Variants in XRCC4 observed in about 807,000 individuals in gnomAD.
The protein encoded by XRCC4 is X-ray repair cross complementing 4.
In XRCC4, 28 loss-of-function variants were observed where a neutral mutation model predicts 39.1. That is an observed-to-expected ratio of 0.72 (90% CI 0.53 to 0.98). The LOEUF is 0.98. Among genes scored for constraint, XRCC4 ranks in the 50% least tolerant of loss-of-function variants. The pLI, the probability that XRCC4 is intolerant of heterozygous loss-of-function variation, is 0.00. For synonymous variants in XRCC4, 123 were observed against 126.4 expected, an observed-to-expected ratio of 0.97 and a Z score of 0.18; for missense variants, 350 against 376.4, an observed-to-expected ratio of 0.93 and a Z score of 0.58.
intron 7 of XRCC4, among the ~76,000 whole-genome samples, chr5:83,342,775 T>C (rs1561484187): frequency 1.3e-5 from 2 of 152,170 alleles, no homozygotes; most frequent in Non-Finnish European, 2.9e-5. Flanking sequence ...TAGGCTACTT[T>C]TCCCACTTAT....
intron 7 of XRCC4, among the ~76,000 whole-genome samples, chr5:83,289,477 G>A (rs922264980): frequency 5.9e-5 from 9 of 151,774 alleles, no homozygotes; most frequent in African/African-American, 1.9e-4. Flanking sequence ...ACTCCCTCCT[G>A]TTGTCCTTGC....
intron 7 of XRCC4, among the ~76,000 whole-genome samples, chr5:83,349,843 G>C (rs1406483295): frequency 6.6e-6 from 1 of 152,072 alleles, no homozygotes; most frequent in African/African-American, 2.4e-5. Context: ...CTGAGGTTTA[G>C]GATAGGGATC....
intron 7 of XRCC4, among the ~76,000 whole-genome samples, chr5:83,287,004 T>C (rs959673933): frequency 1.6e-4 from 24 of 152,224 alleles, no homozygotes; most frequent in African/African-American, 5.8e-4. Flanking sequence ...AATAAATTCA[T>C]TGACCATCAG....
intron 3 of XRCC4, among the ~76,000 whole-genome samples, chr5:83,161,606 AC>A (rs1437811321): frequency 6.6e-6 from 1 of 152,210 alleles, no homozygotes; most frequent in Non-Finnish European, 1.5e-5. Context: ...CAAATTAGTT[AC>A]ATTTGGCCAT....
the XRCC4 span, among the ~76,000 whole-genome samples, chr5:83,358,966 G>A: frequency 6.6e-6 from 1 of 152,132 alleles, no homozygotes; most frequent in Non-Finnish European, 1.5e-5. Flanking sequence ...ATCCCACCAG[G>A]ATCTTCCAAG....
chr5:83,351,417 A>G (rs962884427), intron 7 of XRCC4, among the ~76,000 whole-genome samples: 3 of 152,112 alleles, frequency 2.0e-5, no homozygotes, highest in African/African-American at 7.2e-5. Flanking sequence ...CTTACTTTTA[A>G]TTGAGATAGT....
chr5:83,206,401 C>A (rs568182606), intron 6 of XRCC4, among the ~76,000 whole-genome samples: 1 of 152,142 alleles, frequency 6.6e-6, no homozygotes, highest in South Asian at 2.1e-4. Flanking sequence ...TGAGAAGGAG[C>A]AGCCAGGAGG....
At chr5:83,088,884 G>A (rs534881612) in intron 1 of XRCC4, among the ~76,000 whole-genome samples, 2 of 152,242 alleles carry the variant, frequency 1.3e-5, no homozygotes, top group South Asian at 4.1e-4. Context: ...GAACATGTTT[G>A]ATTTAGTGCT....
At chr5:83,238,602 A>G (rs556118467) in intron 6 of XRCC4, among the ~76,000 whole-genome samples, 6 of 152,250 alleles carry the variant, frequency 3.9e-5, no homozygotes, top group Non-Finnish European at 8.8e-5. Flanking sequence ...ATATATAGTA[A>G]TAAACACTAA....
intron 1 of XRCC4, among the ~76,000 whole-genome samples, chr5:83,092,811 A>C (rs1745488868): frequency 6.6e-6 from 1 of 152,118 alleles, no homozygotes; most frequent in African/African-American, 2.4e-5. Context: ...GATTCAAGAC[A>C]TACCACACAG....
At chr5:83,168,558 C>G (rs1395308786) in intron 3 of XRCC4, among the ~76,000 whole-genome samples, 2 of 152,050 alleles carry the variant, frequency 1.3e-5, no homozygotes, top group Admixed American at 6.6e-5. Context: ...TCTCTTCTAG[C>G]AATTAGAGAA....
intron 7 of XRCC4, among the ~76,000 whole-genome samples, chr5:83,348,245 G>T (rs7736592): frequency 6.6e-6 from 1 of 152,150 alleles, no homozygotes; most frequent in South Asian, 2.1e-4. Context: ...CCCTTTGAGG[G>T]CTCCAACCAC....
intron 6 of XRCC4, among the ~76,000 whole-genome samples, chr5:83,213,012 A>G (rs180980542): frequency 5.9e-4 from 89 of 151,810 alleles, no homozygotes; most frequent in African/African-American, 2.0e-3. Context: ...TGAAATCCAT[A>G]GAGGGAGACA....
intron 1 of XRCC4, among the ~76,000 whole-genome samples, chr5:83,091,950 A>G (rs1174303163): frequency 6.6e-6 from 1 of 152,150 alleles, no homozygotes; most frequent in African/African-American, 2.4e-5. Flanking sequence ...TGTTTCCCGT[A>G]ATGGTTATGC....
At chr5:83,135,257 G>C (rs1747836672) in intron 3 of XRCC4, among the ~76,000 whole-genome samples, 1 of 152,086 alleles carries the variant, frequency 6.6e-6, no homozygotes, top group African/African-American at 2.4e-5. Context: ...AGATGTACCT[G>C]GTACCTCCAT....
At chr5:83,096,306 G>A (rs1745674753) in intron 1 of XRCC4, among the ~76,000 whole-genome samples, 1 of 152,010 alleles carries the variant, frequency 6.6e-6, no homozygotes, top group African/African-American at 2.4e-5. Flanking sequence ...TGATAAGCGG[G>A]AACCACAGAT....
chr5:83,078,453 T>C (rs995962697), intron 1 of XRCC4, among the ~76,000 whole-genome samples: 2 of 152,242 alleles, frequency 1.3e-5, no homozygotes, highest in African/African-American at 4.8e-5. Context: ...TTCAATTTTT[T>C]ATGGACTTAG....
chr5:83,104,781 T>C, intron 1 of XRCC4, 129 bp from the exon 2 acceptor site: 1 of 708,188 alleles, frequency 1.4e-6, no homozygotes, highest in East Asian at 2.8e-5. Context: ...GTTGAACCTA[T>C]TATACAGTTT....
chr5:83,253,129 A>G (rs1453331374), intron 6 of XRCC4, among the ~76,000 whole-genome samples: 1 of 152,196 alleles, frequency 6.6e-6, no homozygotes, highest in Admixed American at 6.5e-5. Flanking sequence ...TGAGCCAGTA[A>G]AGGAGTAGAG....
Sources: allele counts gnomAD v4.1 joint callset (sites outside exome capture counted in the v4.1 genomes callset), GRCh38; gene constraint gnomAD v4.1.1; transcripts MANE v1.5; gene names NCBI Gene and HGNC (gene_info 2026-07-23, HGNC 2026-07-21).